RHOU: variants seen among roughly 807,000 people sequenced by gnomAD.
RHOU encodes the protein rho-related GTP-binding protein RhoU.
A neutral mutation model predicts 12.6 loss-of-function variants in RHOU; 8 were observed. The ratio of observed to expected loss-of-function variants is 0.64; its 90% CI spans 0.37 to 1.15. RHOU has a LOEUF of 1.15. RHOU is among the 50% of genes most tolerant of loss of function. The pLI is 0.01. For missense variants in RHOU, 258 were observed against 347.0 expected, an observed-to-expected ratio of 0.74 and a Z score of 2.04; for synonymous variants, 161 against 147.4, an observed-to-expected ratio of 1.09 and a Z score of -0.67.
the RHOU span, chr1:228,650,686 T>C: frequency 4.1e-6 from 2 of 485,890 alleles, no homozygotes; most frequent in Non-Finnish European, 8.0e-6. Flanking sequence ...GTGAGAGAGC[T>C]CTCATCAGCC....
the RHOU span, among the ~76,000 whole-genome samples, chr1:228,675,594 G>A: frequency 1.3e-5 from 2 of 152,190 alleles, no homozygotes; most frequent in African/African-American, 4.8e-5. Context: ...ACACTTTTGT[G>A]TAGAGGTATT....
At chr1:228,663,774 G>A in the RHOU span, among the ~76,000 whole-genome samples, 3 of 149,868 alleles carry the variant, frequency 2.0e-5, no homozygotes, top group African/African-American at 7.3e-5. Context: ...CTGGGATTAC[G>A]CGCGCGCGAC....
chr1:228,709,814 C>A, the RHOU span, among the ~76,000 whole-genome samples: 2 of 151,888 alleles, frequency 1.3e-5, no homozygotes, highest in African/African-American at 2.4e-5. Flanking sequence ...AAGATCAGAG[C>A]AGAACTGAAG....
chr1:228,691,622 C>A, the RHOU span, among the ~76,000 whole-genome samples: 6 of 152,160 alleles, frequency 3.9e-5, no homozygotes, highest in East Asian at 1.2e-3. Context: ...CAGGATGTAC[C>A]ACAGTTTACT....
the RHOU span, among the ~76,000 whole-genome samples, chr1:228,655,120 T>C: frequency 6.6e-5 from 10 of 151,852 alleles, no homozygotes; most frequent in Admixed American, 3.9e-4. Context: ...TTTTTTTTTT[T>C]TGGAGATGAA....
At chr1:228,713,117 A>T in the RHOU span, among the ~76,000 whole-genome samples, 1 of 151,962 alleles carries the variant, frequency 6.6e-6, no homozygotes, top group Non-Finnish European at 1.5e-5. Context: ...TTCCAAAGTG[A>T]TGTGTCTTTT....
At chr1:228,731,781 G>T (rs1315282054), upstream of RHOU, among the ~76,000 whole-genome samples, 1 of 151,844 alleles carries the variant, frequency 6.6e-6, no homozygotes, top group Non-Finnish European at 1.5e-5. Context: ...AGGTGTTGGG[G>T]GTAGGTAGGG....
At chr1:228,698,723 T>A in the RHOU span, among the ~76,000 whole-genome samples, 1 of 152,202 alleles carries the variant, frequency 6.6e-6, no homozygotes, top group African/African-American at 2.4e-5. Context: ...AGTGGACCAA[T>A]GTTTTGTTTT....
chr1:228,717,392 G>T, the RHOU span, among the ~76,000 whole-genome samples: 2 of 152,132 alleles, frequency 1.3e-5, no homozygotes, highest in African/African-American at 4.8e-5. Context: ...GAACTGAAAT[G>T]ACCTCTCATC....
the RHOU span, among the ~76,000 whole-genome samples, chr1:228,690,029 C>T: frequency 6.6e-6 from 1 of 152,190 alleles, no homozygotes; most frequent in Non-Finnish European, 1.5e-5. Context: ...CACGCAGAAT[C>T]AATTCTTAAC....
chr1:228,715,017 C>T, the RHOU span, among the ~76,000 whole-genome samples: 3 of 152,170 alleles, frequency 2.0e-5, no homozygotes, highest in East Asian at 5.8e-4. Context: ...GCTGGGATTA[C>T]AGGCGTGAGC....
the RHOU span, among the ~76,000 whole-genome samples, chr1:228,714,837 G>A: frequency 1.2e-4 from 17 of 137,486 alleles, no homozygotes; most frequent in Non-Finnish European, 2.6e-4. Context: ...TCCGCCTCCC[G>A]GGTTCAAGCG....
chr1:228,737,628 G>T lies in RHOU; in HGVS notation c.263-45G>T. On this transcript the variant is annotated intron_variant, in intron 1 of 2. Coordinates refer to ENST00000366691, the MANE Select transcript of RHOU (RefSeq NM_021205.6). This position sits in a 1 kb window ranked among gnomAD's most constrained non-coding sequence, Gnocchi z 4.1. ...CTAAAACTATTAGTATTCCGAAAGG[G>T]GTTAAAAGACACCTCCTGATTGTCA... is the stretch of plus-strand genomic sequence containing the variant. 6.4e-7 allele frequency: 1 copy of T among 1,571,460 alleles called. No individual in the cohort carries two copies. Among genetic ancestry groups the T allele is most frequent in the Non-Finnish European group, 8.8e-7 (1 of 1,141,110 alleles).
the RHOU span, among the ~76,000 whole-genome samples, chr1:228,686,773 CTCTG>C: frequency 6.6e-6 from 1 of 151,930 alleles, no homozygotes; most frequent in Non-Finnish European, 1.5e-5. Context: ...GGGAGTCTTC[CTCTG>C]TCTCTCAGGC....
the RHOU span, among the ~76,000 whole-genome samples, chr1:228,683,082 G>GGC: frequency 0.011 from 1,623 of 152,230 alleles, 28 homozygotes; most frequent in African/African-American, 0.038. Flanking sequence ...TCCTTGTTGA[G>GGC]TTGAATGCCC....
the RHOU span, among the ~76,000 whole-genome samples, chr1:228,694,203 C>T: frequency 2.0e-5 from 3 of 152,278 alleles, no homozygotes; most frequent in East Asian, 1.9e-4. Context: ...GGAGTGGATA[C>T]GGTTACATTT....
chr1:228,734,711 C>T (rs1662557140), upstream of RHOU, among the ~76,000 whole-genome samples: 1 of 152,094 alleles, frequency 6.6e-6, no homozygotes, highest in Non-Finnish European at 1.5e-5. Context: ...AAGAGGCGTC[C>T]TTTTTCTGAA....
the RHOU span, among the ~76,000 whole-genome samples, chr1:228,692,693 C>G: frequency 1.3e-5 from 2 of 152,044 alleles, no homozygotes; most frequent in Admixed American, 1.3e-4. Context: ...CCTTGGCCTC[C>G]CAAAGTGTTG....
the RHOU span, among the ~76,000 whole-genome samples, chr1:228,690,700 C>T: frequency 6.6e-6 from 1 of 152,090 alleles, no homozygotes; most frequent in South Asian, 2.1e-4. Flanking sequence ...TCACTGAAAC[C>T]TTTGCCTTCT....
Sources: gnomAD v4.1 joint callset for allele counts (sites outside exome capture counted in the v4.1 genomes callset) on GRCh38, gnomAD v4.1.1 for gene constraint, Gnocchi (gnomAD v3.1) non-coding constraint, MANE v1.5 for transcripts, NCBI Gene and HGNC (gene_info 2026-07-23, HGNC 2026-07-21) for gene names.